Variants in SBF2 observed in about 807,000 individuals in gnomAD.
The protein encoded by SBF2 is myotubularin-related protein 13.
A neutral mutation model predicts 225.2 loss-of-function variants in SBF2; 112 were observed. The ratio of observed to expected loss-of-function variants is 0.50; its 90% CI spans 0.43 to 0.58. The LOEUF is 0.58. Among genes scored for constraint, SBF2 ranks in the 20% least tolerant of loss-of-function variants. SBF2 has a pLI of 0.00. For missense variants in SBF2, 1,996 were observed against 2,206.2 expected (o/e 0.90, Z 1.91); for synonymous variants, 763 against 773.3 (o/e 0.99, Z 0.22).
intron 12 of SBF2, among the ~76,000 whole-genome samples, chr11:9,990,047 A>G (rs779464034): frequency 6.6e-6 from 1 of 152,162 alleles, no homozygotes; most frequent in East Asian, 1.9e-4. Context: ...CATCTCTAAA[A>G]TAAGATGGAA....
intron 16 of SBF2, among the ~76,000 whole-genome samples, chr11:9,940,764 AC>A (rs1865206592): frequency 2.0e-5 from 3 of 152,170 alleles, no homozygotes; most frequent in Admixed American, 2.0e-4. Context: ...AACCTCTTAA[AC>A]CTGCAGCCCA....
intron 6 of SBF2, among the ~76,000 whole-genome samples, chr11:10,026,175 C>T (rs185459278): frequency 9.2e-5 from 14 of 152,166 alleles, no homozygotes; most frequent in Admixed American, 6.5e-4. Flanking sequence ...TCTCCTCCCC[C>T]CTCACAACTC....
At chr11:10,293,021 T>TA (rs1270657145) in intron 1 of SBF2, among the ~76,000 whole-genome samples, 1 of 152,192 alleles carries the variant, frequency 6.6e-6, no homozygotes, top group Admixed American at 6.5e-5. Flanking sequence ...CCAATGGCTG[T>TA]AACCATCAGG....
chr11:10,066,869 A>C (rs919911323), intron 2 of SBF2, among the ~76,000 whole-genome samples: 3 of 152,256 alleles, frequency 2.0e-5, no homozygotes, highest in African/African-American at 7.2e-5. Context: ...AGAACAAATA[A>C]GTTTAGCAAG....
intron 24 of SBF2, among the ~76,000 whole-genome samples, chr11:9,844,749 G>A (rs955105309): frequency 3.3e-5 from 5 of 152,026 alleles, no homozygotes; most frequent in East Asian, 1.9e-4. Context: ...AGATAATGCC[G>A]GACAAGGGGA....
At chr11:10,213,399 T>A (rs1958012312) in intron 1 of SBF2, among the ~76,000 whole-genome samples, 1 of 152,220 alleles carries the variant, frequency 6.6e-6, no homozygotes, top group South Asian at 2.1e-4. Flanking sequence ...CACTCCTAGC[T>A]GCTTCAGCAA....
chr11:10,289,519 A>G (rs914487122), intron 1 of SBF2, among the ~76,000 whole-genome samples: 1 of 152,044 alleles, frequency 6.6e-6, no homozygotes, highest in Non-Finnish European at 1.5e-5. Flanking sequence ...TAACATCTCT[A>G]CGAGCTCCCC....
chr11:9,879,984 TGA>T lies in SBF2; in HGVS notation c.1929+15957_1929+15958del, dbSNP rs573914070. The stretch of plus-strand genomic sequence containing the variant: ...CGGTATTCCCAGCTACTCGGGAGGC[TGA>T]GGCAGGAGAATTGCTTGAACCTGGG... On this transcript the variant is annotated intron_variant, in intron 17 of 39. Coordinates refer to ENST00000256190, the MANE Select transcript of SBF2 (RefSeq NM_030962.4). 2.6e-3 allele frequency among the ~76,000 whole-genome samples: 391 copies of T among 148,474 alleles called. 2 individuals are homozygous for T. The highest frequency in any genetic ancestry group is 9.3e-3 in the African/African-American group (373 of 39,982).
intron 17 of SBF2, among the ~76,000 whole-genome samples, chr11:9,878,419 T>C (rs1397861769): frequency 6.6e-6 from 1 of 152,230 alleles, no homozygotes; most frequent in Admixed American, 6.5e-5. Context: ...TTGTCTATTT[T>C]GGCTTTTGTT....
chr11:9,935,135 A>G (rs997802003), intron 16 of SBF2, among the ~76,000 whole-genome samples: 3 of 152,274 alleles, frequency 2.0e-5, no homozygotes, highest in Admixed American at 6.5e-5. Flanking sequence ...GATGCGCAAA[A>G]ATCACAAGCA....
intron 13 of SBF2, among the ~76,000 whole-genome samples, chr11:9,980,932 A>G (rs898253634): frequency 6.6e-6 from 1 of 152,330 alleles, no homozygotes; most frequent in Non-Finnish European, 1.5e-5. Context: ...TTGTTTTAAT[A>G]TGAAACCTCT....
chr11:10,024,475 A>G (rs17272637), intron 6 of SBF2, among the ~76,000 whole-genome samples: 15,779 of 152,098 alleles, frequency 0.1, 1,038 homozygotes, highest in Middle Eastern at 0.23. Flanking sequence ...TGCTCCTCCC[A>G]CTTCTCGCCA....
At chr11:10,230,986 T>C (rs1958816051) in intron 1 of SBF2, among the ~76,000 whole-genome samples, 1 of 152,194 alleles carries the variant, frequency 6.6e-6, no homozygotes. Flanking sequence ...TAGTCCCTTA[T>C]TTCTTGGAGG....
At chr11:9,865,705 AAAAAAAAAAAAG>A (rs1400618311) in intron 17 of SBF2, among the ~76,000 whole-genome samples, 11 of 147,310 alleles carry the variant, frequency 7.5e-5, no homozygotes, top group Non-Finnish European at 1.5e-4. Flanking sequence ...AAAAAAAAAA[AAAAAAAAAAAAG>A]GCGGGAGGCG....
chr11:9,874,625 T>C (rs1025335194), intron 17 of SBF2, among the ~76,000 whole-genome samples: 3 of 152,214 alleles, frequency 2.0e-5, no homozygotes, highest in Non-Finnish European at 2.9e-5. Flanking sequence ...CTACACTTTC[T>C]AAGGGTTTTA....
chr11:10,077,999 A>G (rs1291286332), intron 2 of SBF2, among the ~76,000 whole-genome samples: 1 of 152,254 alleles, frequency 6.6e-6, no homozygotes, highest in Non-Finnish European at 1.5e-5. Flanking sequence ...ACACTTCTCA[A>G]AAGAAGACAT....
intron 2 of SBF2, among the ~76,000 whole-genome samples, chr11:10,160,269 A>T (rs1420170386): frequency 3.3e-5 from 5 of 152,212 alleles, no homozygotes; most frequent in Admixed American, 3.3e-4. Flanking sequence ...AAATAAAAGC[A>T]TGTCTAATGA....
intron 26 of SBF2, chr11:9,838,997 T>C (rs549047426): frequency 3.5e-4 from 63 of 177,552 alleles, no homozygotes; most frequent in African/African-American, 1.4e-3. Flanking sequence ...GGTCAGCAAA[T>C]TATAGCCTGT....
intron 7 of SBF2, among the ~76,000 whole-genome samples, chr11:10,002,076 A>G (rs193133121): frequency 1.1e-4 from 16 of 152,288 alleles, no homozygotes; most frequent in African/African-American, 2.4e-4. Flanking sequence ...GTAATTGTCA[A>G]CTTTGAGAAT....
Sources: gnomAD v4.1 joint callset for allele counts (sites outside exome capture counted in the v4.1 genomes callset) on GRCh38, gnomAD v4.1.1 for gene constraint, MANE v1.5 for transcripts, NCBI Gene and HGNC (gene_info 2026-07-23, HGNC 2026-07-21) for gene names.